Variants in EPSTI1 observed in about 807,000 individuals in gnomAD.
The protein encoded by EPSTI1 is epithelial stromal interaction 1.
A neutral mutation model predicts 49.9 loss-of-function variants in EPSTI1; 66 were observed. The ratio of observed to expected loss-of-function variants is 1.32; its 90% CI spans 1.08 to 1.62. The LOEUF (loss-of-function observed/expected upper bound fraction) is 1.62, where lower values mean the gene tolerates loss of function less well. EPSTI1 is among the 40% of genes most tolerant of loss of function. The pLI is 0.00. For missense variants in EPSTI1, 394 were observed against 365.5 expected (o/e 1.08, Z -0.64); for synonymous variants, 137 against 130.7 (o/e 1.05, Z -0.33).
intron 1 of EPSTI1, among the ~76,000 whole-genome samples, chr13:42,981,353 C>T (rs2039983345): frequency 6.6e-6 from 1 of 152,160 alleles, no homozygotes; most frequent in South Asian, 2.1e-4. Flanking sequence ...TGTAATTGAA[C>T]TAAGTTTCTT....
intron 7 of EPSTI1, among the ~76,000 whole-genome samples, chr13:42,925,527 G>A (rs1055849815): frequency 6.6e-6 from 1 of 152,156 alleles, no homozygotes; most frequent in African/African-American, 2.4e-5. Context: ...TAAGCATCCT[G>A]CAGTAATCAA....
chr13:42,928,851 A>G lies in EPSTI1; in HGVS notation c.564-2422T>C, dbSNP rs534530749. 2.4e-4 allele frequency among the ~76,000 whole-genome samples: 36 copies of G among 152,318 alleles called. No individual in the cohort carries two copies. The South Asian group carries it at 7.1e-3, about 30-fold the overall frequency. ...GTGAGAAGTGTTGAATGCCACATCC[A>G]GTACTAACTTATTAGAAAATTCCCA... On this transcript the variant is annotated intron_variant, in intron 6 of 10. Coordinates refer to ENST00000313624, the MANE Select transcript of EPSTI1 (RefSeq NM_033255.5).
chr13:42,976,193 A>G (rs1395473168), intron 1 of EPSTI1, among the ~76,000 whole-genome samples: 1 of 152,182 alleles, frequency 6.6e-6, no homozygotes, highest in Non-Finnish European at 1.5e-5. Flanking sequence ...ATTTACATCT[A>G]TTCTCTCTGG....
At chr13:42,952,530 C>T (rs1423863609) in intron 6 of EPSTI1, among the ~76,000 whole-genome samples, 3 of 152,150 alleles carry the variant, frequency 2.0e-5, no homozygotes, top group African/African-American at 7.2e-5. Context: ...CTGGTGCCTC[C>T]CTCCCACCAT....
chr13:42,938,954 C>T (rs892617755), intron 6 of EPSTI1, among the ~76,000 whole-genome samples: 2 of 139,156 alleles, frequency 1.4e-5, no homozygotes, highest in Non-Finnish European at 3.1e-5. Context: ...GTATACACAC[C>T]TTCATCAATG....
intron 6 of EPSTI1, among the ~76,000 whole-genome samples, chr13:42,949,090 G>A (rs1453284258): frequency 3.3e-5 from 5 of 152,132 alleles, no homozygotes; most frequent in African/African-American, 1.2e-4. Flanking sequence ...CCTGACTCCA[G>A]TACAGCATCA....
intron 10 of EPSTI1, 107 bp downstream of exon 10, chr13:42,894,902 A>G: frequency 1.0e-6 from 1 of 962,428 alleles, no homozygotes; most frequent in Non-Finnish European, 1.5e-6. Flanking sequence ...ACAGCACAAC[A>G]ACAAAAACGT....
In EPSTI1 at chr13:42,990,194, G is replaced by T. The variant is rs61950377; in HGVS notation, c.188+1784C>A. On this transcript the variant is annotated intron_variant, in intron 1 of 10. Transcript: ENST00000313624. ...CATGAGGAAAAAAAAAAAAAAAAAG[G>T]AAGACTCTGTGAGAGATAACTAAAC... 4.1e-5 allele frequency among the ~76,000 whole-genome samples: 6 copies of T among 147,768 alleles called. No homozygotes were observed. The South Asian group carries it at 1.3e-3, about 32-fold the overall frequency.
chr13:42,969,074 C>A lies in EPSTI1; in HGVS notation c.331+20G>T, dbSNP rs1356360520. ...GTGGCCCCGCCCTCCCTCATTCCGG[C>A]AGCGGCTGTGCTTGCTTACCTAGCC... On this transcript the variant is annotated intron_variant, in intron 3 of 10. Transcript: ENST00000313624. The A allele has an allele frequency of 6.2e-7, 1 of 1,613,706 alleles. No homozygotes were observed. The highest frequency in any genetic ancestry group is 8.5e-7 in the Non-Finnish European group (1 of 1,179,742).
chr13:42,891,806 C>G (rs2153408025), intron 10 of EPSTI1, among the ~76,000 whole-genome samples: 1 of 152,300 alleles, frequency 6.6e-6, no homozygotes, highest in South Asian at 2.1e-4. Context: ...CCAATGGCCC[C>G]ACCCTTGTAG....
At chr13:42,950,319 T>G (rs2039056334) in intron 6 of EPSTI1, among the ~76,000 whole-genome samples, 1 of 152,258 alleles carries the variant, frequency 6.6e-6, no homozygotes, top group South Asian at 2.1e-4. Flanking sequence ...TCCTGTGTGC[T>G]CCATCTGCAT....
intron 8 of EPSTI1, among the ~76,000 whole-genome samples, chr13:42,900,893 ACTT>A (rs1282462026): frequency 6.6e-6 from 1 of 152,184 alleles, no homozygotes; most frequent in Non-Finnish European, 1.5e-5. Flanking sequence ...TTGATTAGTT[ACTT>A]CTAATACCAG....
rs1418271920 is a variant in EPSTI1, at chr13:42,946,303, A to G, written c.563+7645T>C. 7.9e-5 allele frequency among the ~76,000 whole-genome samples: 12 copies of G among 152,232 alleles called. 1 individual carries two copies. Among genetic ancestry groups the G allele is most frequent in the Admixed American group, 7.8e-4 (12 of 15,290 alleles). ...ATGAAGAAAACTTTCCAATATTACA[A>G]TCGGCAGGCTGAGCTCAAGGTGGTG... On this transcript the variant is annotated intron_variant, in intron 6 of 10. Transcript: ENST00000313624.
At chr13:42,930,721 G>C (rs988873180) in intron 6 of EPSTI1, among the ~76,000 whole-genome samples, 1 of 152,060 alleles carries the variant, frequency 6.6e-6, no homozygotes, top group Non-Finnish European at 1.5e-5. Context: ...ATAGAAATTA[G>C]ATAAAAATAT....
At chr13:42,934,341 T>A (rs1418620536) in intron 6 of EPSTI1, 1 of 156,158 alleles carries the variant, frequency 6.4e-6, no homozygotes, top group African/African-American at 2.4e-5. Context: ...AAGCACTGAC[T>A]GCAGTGTGTG....
chr13:42,944,017 A>C (rs1034776202), intron 6 of EPSTI1, among the ~76,000 whole-genome samples: 6 of 152,114 alleles, frequency 3.9e-5, no homozygotes, highest in African/African-American at 1.4e-4. Flanking sequence ...AGTCAGGAAA[A>C]AACAGTTGCT....
At chr13:42,965,768 TCCTCTC>T (rs1555268067) in intron 3 of EPSTI1, among the ~76,000 whole-genome samples, 154 of 3,424 alleles carry the variant, frequency 0.045, 33 homozygotes, top group Admixed American at 0.087. Flanking sequence ...TCCCTCTCCC[TCCTCTC>T]CCTCTCCCTC....
chr13:42,967,799 G>A (rs1482654838), intron 3 of EPSTI1, among the ~76,000 whole-genome samples: 3 of 152,112 alleles, frequency 2.0e-5, no homozygotes, highest in Admixed American at 6.5e-5. Context: ...ACTGCATTAC[G>A]AACCCCGAAC....
intron 6 of EPSTI1, among the ~76,000 whole-genome samples, chr13:42,942,850 G>A (rs921016648): frequency 6.0e-5 from 9 of 150,908 alleles, no homozygotes; most frequent in Admixed American, 1.3e-4. Context: ...CACCGCGCCC[G>A]GCTAATTTTT....
Sources: gnomAD v4.1 joint callset for allele counts (sites outside exome capture counted in the v4.1 genomes callset) on GRCh38, gnomAD v4.1.1 for gene constraint, MANE v1.5 for transcripts, NCBI Gene and HGNC (gene_info 2026-07-23, HGNC 2026-07-21) for gene names.